CALN1: variants seen among roughly 807,000 people sequenced by gnomAD.
The protein encoded by CALN1 is calneuron 1.
CALN1 carries 17 observed loss-of-function variants against 30.6 expected under a neutral mutation model. That is an observed-to-expected ratio of 0.56 (90% CI 0.38 to 0.83). CALN1 has a LOEUF of 0.83. CALN1 is among the 40% of genes least tolerant of loss of function. CALN1 has a pLI of 0.00. For synonymous variants in CALN1, 156 were observed against 131.4 expected (o/e 1.19, Z -1.28); for missense variants, 291 against 354.9 (o/e 0.82, Z 1.45).
At chr7:72,450,407 A>C (rs904358477), upstream of CALN1, among the ~76,000 whole-genome samples, 2 of 151,908 alleles carry the variant, frequency 1.3e-5, no homozygotes, top group African/African-American at 2.4e-5. Context: ...GAGCCCCCCG[A>C]CCCCCAGCGC....
At position 72,054,289 on chromosome 7, in the gene CALN1, A is replaced by G. The variant is rs569913728; in HGVS notation, c.389-30520T>C. Among the ~76,000 whole-genome samples the G allele has an allele frequency of 5.6e-3, 846 of 151,664 alleles. 3 individuals carry two copies. The highest frequency in any genetic ancestry group is 0.019 in the African/African-American group (804 of 41,346). On this transcript the variant is annotated intron_variant, in intron 4 of 6. Transcript: ENST00000395275. ...GTGTAGTTATTTTTGACTTTTTCATAGTAGCCATTCTTACTGGTGTAAGAT... is the reference window on the plus strand; with the variant it reads ...GTGTAGTTATTTTTGACTTTTTCATGGTAGCCATTCTTACTGGTGTAAGAT...
chr7:72,488,307 G>A, the CALN1 span, among the ~76,000 whole-genome samples: 13 of 152,070 alleles, frequency 8.5e-5, no homozygotes, highest in African/African-American at 2.9e-4. Flanking sequence ...GGAAGTTGAG[G>A]CTGCAGTGAG....
At chr7:72,305,304 T>G (rs534577580) in intron 2 of CALN1, among the ~76,000 whole-genome samples, 2 of 152,226 alleles carry the variant, frequency 1.3e-5, no homozygotes, top group Non-Finnish European at 2.9e-5. Flanking sequence ...GGAATGCTTT[T>G]GGCAGGTGAT....
chr7:72,326,385 T>C (rs1010550669), intron 2 of CALN1, among the ~76,000 whole-genome samples: 1 of 152,208 alleles, frequency 6.6e-6, no homozygotes, highest in South Asian at 2.1e-4. Context: ...TACATCTCTG[T>C]TTCTTCATCT....
At chr7:71,854,705 T>C (rs961001956) in intron 5 of CALN1, among the ~76,000 whole-genome samples, 1 of 152,228 alleles carries the variant, frequency 6.6e-6, no homozygotes, top group African/African-American at 2.4e-5. Context: ...CCAAACTCTC[T>C]CGAAAGATCA....
chr7:72,152,228 A>G (rs1787309013), intron 3 of CALN1, among the ~76,000 whole-genome samples: 1 of 151,842 alleles, frequency 6.6e-6, no homozygotes, highest in African/African-American at 2.4e-5. Context: ...CCAAACCCAA[A>G]GCTATGAAGA....
intron 4 of CALN1, among the ~76,000 whole-genome samples, chr7:72,086,776 A>T (rs1280148126): frequency 6.6e-6 from 1 of 152,136 alleles, no homozygotes; most frequent in Non-Finnish European, 1.5e-5. Flanking sequence ...AACCTAAATT[A>T]AAAAATAAAA....
chr7:72,073,787 G>A (rs1187183714), intron 4 of CALN1, among the ~76,000 whole-genome samples: 1 of 151,716 alleles, frequency 6.6e-6, no homozygotes, highest in African/African-American at 2.4e-5. Context: ...TCAACTTTCT[G>A]GACTCAAGTG....
intron 5 of CALN1, among the ~76,000 whole-genome samples, chr7:71,931,968 T>C (rs568337951): frequency 6.6e-6 from 1 of 152,244 alleles, no homozygotes; most frequent in East Asian, 1.9e-4. Flanking sequence ...TGGCATGCAG[T>C]TTGCCAGTGT....
At chr7:72,407,118 ATGG>A (rs921483848) in intron 1 of CALN1, among the ~76,000 whole-genome samples, 8 of 152,216 alleles carry the variant, frequency 5.3e-5, no homozygotes, top group African/African-American at 1.2e-4. Context: ...TATGCAGAGA[ATGG>A]TGAAGTAATA....
At position 72,349,975 on chromosome 7, in the gene CALN1, C is replaced by A. The variant is rs146195075; in HGVS notation, c.119+53276G>T. ...TTGTCAATATTTGTTTTTGTTATTG[C>A]TTTTGGCATCTTTGTCATTAAATCT... On this transcript the variant is annotated intron_variant, in intron 2 of 6. Transcript: ENST00000395275. Among the ~76,000 whole-genome samples the A allele has an allele frequency of 6.9e-3, 1,047 of 152,240 alleles. 14 individuals carry two copies. Among genetic ancestry groups the A allele is most frequent in the African/African-American group, 0.024 (1,004 of 41,540 alleles).
At chr7:71,857,549 C>T (rs1020649666) in intron 5 of CALN1, among the ~76,000 whole-genome samples, 2 of 152,136 alleles carry the variant, frequency 1.3e-5, no homozygotes, top group African/African-American at 4.8e-5. Flanking sequence ...CATCCTTCAT[C>T]CTGTCTCCAG....
intron 3 of CALN1, among the ~76,000 whole-genome samples, chr7:72,212,195 A>C (rs953414533): frequency 6.6e-6 from 1 of 151,966 alleles, no homozygotes; most frequent in African/African-American, 2.4e-5. Context: ...TAAAAATACA[A>C]AAAATTAACC....
chr7:72,212,124 G>C (rs951422608), intron 3 of CALN1, among the ~76,000 whole-genome samples: 1 of 152,046 alleles, frequency 6.6e-6, no homozygotes, highest in African/African-American at 2.4e-5. Flanking sequence ...AGGCCAAGGC[G>C]GGCAGATAAG....
intron 5 of CALN1, among the ~76,000 whole-genome samples, chr7:71,894,309 G>C (rs1172568834): frequency 1.3e-5 from 2 of 152,158 alleles, no homozygotes; most frequent in Non-Finnish European, 2.9e-5. Flanking sequence ...CACTCAACCA[G>C]AAAGACAGGA....
chr7:72,019,083 T>G (rs895285002), intron 5 of CALN1, among the ~76,000 whole-genome samples: 3 of 151,566 alleles, frequency 2.0e-5, no homozygotes, highest in African/African-American at 7.3e-5. Flanking sequence ...ACTCCCCGCC[T>G]CAACTGATCC....
intron 3 of CALN1, among the ~76,000 whole-genome samples, chr7:72,176,827 T>C (rs1334067100): frequency 1.3e-5 from 2 of 152,118 alleles, no homozygotes; most frequent in Non-Finnish European, 2.9e-5. Context: ...GAAGAGGAAT[T>C]TTCCACCCTG....
chr7:72,039,692 T>C (rs1004283775), intron 4 of CALN1, among the ~76,000 whole-genome samples: 3 of 152,144 alleles, frequency 2.0e-5, no homozygotes, highest in African/African-American at 4.8e-5. Context: ...AGCCACACCA[T>C]AGTTGGACAG....
rs558895066 is a variant in CALN1, at chr7:72,177,368, T to TC, written c.245-71075dup. ...CTCTTAAGCAGGCCTGGCCAGAGGG[T>TC]CTATGTAAGACTGATCAGCAGCTCA... is the stretch of plus-strand genomic sequence containing the variant. On this transcript the variant is annotated intron_variant, in intron 3 of 6. Transcript: ENST00000395275. 4.2e-4 allele frequency among the ~76,000 whole-genome samples: 64 copies of TC among 152,000 alleles called. 1 individual carries two copies. The South Asian group carries it at 0.013, about 31-fold the overall frequency.
Sources: gnomAD v4.1 joint callset for allele counts (sites outside exome capture counted in the v4.1 genomes callset) on GRCh38, gnomAD v4.1.1 for gene constraint, MANE v1.5 for transcripts, NCBI Gene and HGNC (gene_info 2026-07-23, HGNC 2026-07-21) for gene names.